Variants in HERC4 observed in about 807,000 individuals in gnomAD.
HERC4 encodes HECT and RLD domain containing E3 ubiquitin protein ligase 4, also known as probable E3 ubiquitin-protein ligase HERC4.
A neutral mutation model predicts 124.3 loss-of-function variants in HERC4; 28 were observed. That is an observed-to-expected ratio of 0.23 (90% CI 0.17 to 0.31). The LOEUF (loss-of-function observed/expected upper bound fraction) is 0.31, where lower values mean the gene tolerates loss of function less well. Ranked by LOEUF, HERC4 falls within the 10% of genes least tolerant of loss-of-function variation. HERC4 has a pLI of 1.00. For synonymous variants in HERC4, 407 were observed against 421.5 expected (o/e 0.97, Z 0.42); for missense variants, 713 against 1,229.3 (o/e 0.58, Z 6.28).
chr10:67,923,854 A>G (rs2131931575), intron 24 of HERC4, among the ~76,000 whole-genome samples: 1 of 152,250 alleles, frequency 6.6e-6, no homozygotes, highest in Middle Eastern at 3.4e-3. Flanking sequence ...TCCTGGCAAA[A>G]GCAGGAGTAT....
At chr10:68,044,704 A>G (rs2039931918) in intron 3 of HERC4, 141 bp from the exon 4 acceptor site, 1 of 707,446 alleles carries the variant, frequency 1.4e-6, no homozygotes. Context: ...GCTTAAACAC[A>G]CACTAGATAT....
chr10:68,059,726 T>C lies in HERC4; in HGVS notation c.226+13157A>G, dbSNP rs1320520447. On this transcript the variant is annotated intron_variant, in intron 3 of 24. Coordinates refer to ENST00000373700, the MANE Select transcript of HERC4 (RefSeq NM_015601.4). ...TATTATATATCATAATATTATATAT[T>C]ATATATCATAATATTATATATTATA... 5.6e-5 allele frequency among the ~76,000 whole-genome samples: 3 copies of C among 53,418 alleles called. 1 individual carries two copies. Among genetic ancestry groups the C allele is most frequent in the African/African-American group, 4.4e-4 (3 of 6,800 alleles). The allele number at this position is 53,418 out of a possible 152,430, so 35.0% of individuals were successfully genotyped here.
chr10:67,946,784 G>A (rs760061617), intron 19 of HERC4, among the ~76,000 whole-genome samples: 2 of 152,268 alleles, frequency 1.3e-5, no homozygotes, highest in Non-Finnish European at 2.9e-5. Flanking sequence ...GCACACACCT[G>A]TAGTCCCAGC....
intron 3 of HERC4, among the ~76,000 whole-genome samples, chr10:68,045,666 T>C (rs187684035): frequency 6.6e-5 from 10 of 152,360 alleles, no homozygotes; most frequent in African/African-American, 1.4e-4. Context: ...CAGGTTTTTT[T>C]ACTAGTATCA....
At chr10:67,974,129 G>C (rs201909384) in intron 15 of HERC4, among the ~76,000 whole-genome samples, 8 of 137,480 alleles carry the variant, frequency 5.8e-5, no homozygotes, top group African/African-American at 1.9e-4. Flanking sequence ...CATACACACA[G>C]GGTCAGGAAA....
chr10:68,060,403 A>C (rs1193809823), intron 3 of HERC4, among the ~76,000 whole-genome samples: 2 of 151,954 alleles, frequency 1.3e-5, no homozygotes, highest in African/African-American at 4.8e-5. Flanking sequence ...ATACCCAGCT[A>C]ATTTTTGTAT....
rs79148261 is a variant in HERC4, at chr10:68,039,479, C to T, written c.387-1310G>A. 2,463 of 1,550,714 alleles carry T rather than the reference C, an allele frequency of 1.6e-3. 30 individuals carry two copies. In the African/African-American group the frequency reaches 0.03, roughly 19 times the overall value. On this transcript the variant is annotated intron_variant, in intron 4 of 24. Coordinates refer to ENST00000373700, the MANE Select transcript of HERC4 (RefSeq NM_015601.4). ...CCAGAGAGTCGACACACATGATTTTCGGGAAGCAGCTTCAGCAAATCAAAG... is the reference window on the plus strand; with the variant it reads ...CCAGAGAGTCGACACACATGATTTTTGGGAAGCAGCTTCAGCAAATCAAAG...
intron 7 of HERC4, among the ~76,000 whole-genome samples, chr10:68,028,577 A>G (rs575752720): frequency 1.7e-3 from 259 of 152,302 alleles, no homozygotes; most frequent in South Asian, 5.4e-3. Context: ...ATCTACAACA[A>G]TCAAGGGATT....
At chr10:67,991,753 G>A (rs1156369981) in intron 11 of HERC4, among the ~76,000 whole-genome samples, 1 of 152,098 alleles carries the variant, frequency 6.6e-6, no homozygotes, top group Non-Finnish European at 1.5e-5. Flanking sequence ...TTAAGATAGT[G>A]ACCATTATAA....
intron 1 of HERC4, chr10:68,074,845 G>A (rs2041735182): frequency 6.6e-6 from 1 of 152,642 alleles, no homozygotes. Flanking sequence ...AGGAAGCGCG[G>A]AGAAAGCGCC....
intron 23 of HERC4, among the ~76,000 whole-genome samples, chr10:67,926,433 A>C (rs1190517177): frequency 1.3e-5 from 2 of 148,328 alleles, no homozygotes; most frequent in Admixed American, 1.4e-4. Flanking sequence ...AAAAAAAAAC[A>C]AAAAAATTAG....
intron 22 of HERC4, among the ~76,000 whole-genome samples, chr10:67,932,997 A>G (rs2031987216): frequency 6.6e-6 from 1 of 152,226 alleles, no homozygotes; most frequent in African/African-American, 2.4e-5. Context: ...TGAGGCATTC[A>G]GTTATTCTTA....
chr10:68,020,621 T>C (rs2038559440), intron 8 of HERC4, among the ~76,000 whole-genome samples: 1 of 151,190 alleles, frequency 6.6e-6, no homozygotes, highest in Admixed American at 6.6e-5. Flanking sequence ...TACAAAAAAT[T>C]AGCCGGGCGT....
intron 3 of HERC4, among the ~76,000 whole-genome samples, chr10:68,055,015 T>C (rs1158872320): frequency 6.6e-6 from 1 of 152,198 alleles, no homozygotes; most frequent in East Asian, 1.9e-4. Flanking sequence ...CTCCAGCTCC[T>C]GGGCTCAAGC....
At chr10:68,056,887 C>A (rs185778926) in intron 3 of HERC4, among the ~76,000 whole-genome samples, 6 of 152,212 alleles carry the variant, frequency 3.9e-5, no homozygotes, top group Middle Eastern at 6.8e-3. Flanking sequence ...CAAAATCTGG[C>A]AACTGGGTCA....
chr10:68,043,146 C>T (rs951594445), intron 4 of HERC4, among the ~76,000 whole-genome samples: 2 of 152,106 alleles, frequency 1.3e-5, no homozygotes, highest in Non-Finnish European at 2.9e-5. Context: ...CTATGTATTA[C>T]TGACTAAAGT....
chr10:67,925,587 AAC>A (rs948964093), intron 23 of HERC4, among the ~76,000 whole-genome samples: 1 of 152,166 alleles, frequency 6.6e-6, no homozygotes, highest in African/African-American at 2.4e-5. Context: ...GGTACTAAGC[AAC>A]ACTAAAAATT....
rs780347536 is a variant in HERC4 at position 68,072,840 on chromosome 10, A to G, written c.226+43T>C. On this transcript the variant is annotated intron_variant, in intron 3 of 24. Coordinates refer to ENST00000373700, the MANE Select transcript of HERC4 (RefSeq NM_015601.4). ...TACGATGATTCAAATTTAAAATGAT[A>G]TAATTATTAAAAATAGCAAATTTTA... is the stretch of plus-strand genomic sequence containing the variant. 33 of 1,322,858 alleles carry G rather than the reference A, an allele frequency of 2.5e-5. No individual in the cohort carries two copies. The South Asian group carries it at 4.3e-4, about 17-fold the overall frequency. 81.9% of individuals were successfully genotyped at this position (1,322,858 alleles called of 1,614,324 possible).
At chr10:68,041,795 C>T (rs2039781844) in intron 4 of HERC4, among the ~76,000 whole-genome samples, 1 of 152,090 alleles carries the variant, frequency 6.6e-6, no homozygotes, top group African/African-American at 2.4e-5. Context: ...GCCAGAAATG[C>T]AGGTCTACAG....
Sources: gnomAD v4.1 joint callset for allele counts (sites outside exome capture counted in the v4.1 genomes callset) on GRCh38, gnomAD v4.1.1 for gene constraint, MANE v1.5 for transcripts, NCBI Gene and HGNC (gene_info 2026-07-23, HGNC 2026-07-21) for gene names.